PAPPA2: variants seen among roughly 807,000 people sequenced by gnomAD.
The protein encoded by PAPPA2 is pappalysin-2.
In PAPPA2, 86 loss-of-function variants were observed where a neutral mutation model predicts 176.4. The ratio of observed to expected loss-of-function variants is 0.49; its 90% confidence interval spans 0.41 to 0.58. PAPPA2 has a LOEUF of 0.58. Ranked by LOEUF, PAPPA2 falls within the 20% of genes least tolerant of loss-of-function variation. The pLI, the probability that PAPPA2 is intolerant of heterozygous loss-of-function variation, is 0.00. For missense variants in PAPPA2, 2,073 were observed against 2,256.9 expected, an observed-to-expected ratio of 0.92 and a Z score of 1.65; for synonymous variants, 809 against 852.2, an observed-to-expected ratio of 0.95 and a Z score of 0.88.
At chr1:176,643,239 A>G (rs979839765) in intron 3 of PAPPA2, among the ~76,000 whole-genome samples, 2 of 151,872 alleles carry the variant, frequency 1.3e-5, no homozygotes, top group African/African-American at 4.8e-5. Flanking sequence ...CATAGCTAGT[A>G]AAAAATGGCA....
intron 17 of PAPPA2, among the ~76,000 whole-genome samples, chr1:176,788,865 C>T (rs184872993): frequency 6.6e-6 from 1 of 152,258 alleles, no homozygotes; most frequent in East Asian, 1.9e-4. Flanking sequence ...AAGTTAGGTT[C>T]AGAATCTCTG....
chr1:176,711,995 A>C lies in PAPPA2; in HGVS notation c.3798+14A>C. 1 of 1,604,610 alleles carries C rather than the reference A, an allele frequency of 6.2e-7. No homozygotes were observed. The highest frequency in any genetic ancestry group is 2.2e-5 in the East Asian group (1 of 44,574). ...GTTTGGCTCAAAGTAAGTGGCCCAA[A>C]TGTTTCTTTTGTGCATGTGAAAGGT... On this transcript the variant is annotated intron_variant, in intron 12 of 22. Coordinates refer to ENST00000367662, the MANE Select transcript of PAPPA2 (RefSeq NM_020318.3).
chr1:176,470,744 C>G (rs1273296463), intron 1 of PAPPA2, among the ~76,000 whole-genome samples: 1 of 152,226 alleles, frequency 6.6e-6, no homozygotes, highest in Non-Finnish European at 1.5e-5. Context: ...ATTTTAAAAA[C>G]AACACAACAA....
chr1:176,650,404 T>A (rs945157246), intron 3 of PAPPA2, among the ~76,000 whole-genome samples: 8 of 151,206 alleles, frequency 5.3e-5, no homozygotes, highest in Non-Finnish European at 8.9e-5. Context: ...TTTTTATTTA[T>A]TTATTTATTT....
At chr1:176,605,576 T>C (rs1654562866) in intron 3 of PAPPA2, among the ~76,000 whole-genome samples, 1 of 152,238 alleles carries the variant, frequency 6.6e-6, no homozygotes, top group Non-Finnish European at 1.5e-5. Flanking sequence ...GCTCCTAATT[T>C]ATCTCATTGA....
chr1:176,711,001 A>G (rs12138021), intron 11 of PAPPA2, among the ~76,000 whole-genome samples: 11,450 of 152,154 alleles, frequency 0.075, 474 homozygotes, highest in South Asian at 0.14. Flanking sequence ...GGGGCAGGCC[A>G]AAGGAAAATA....
chr1:176,637,370 T>C (rs550653324), intron 3 of PAPPA2, among the ~76,000 whole-genome samples: 2 of 152,294 alleles, frequency 1.3e-5, no homozygotes, highest in African/African-American at 4.8e-5. Flanking sequence ...CAGGATGGGT[T>C]GGAGGAAGGA....
chr1:176,675,537 A>G (rs913132728), intron 4 of PAPPA2, among the ~76,000 whole-genome samples: 2 of 152,114 alleles, frequency 1.3e-5, no homozygotes, highest in African/African-American at 4.8e-5. Flanking sequence ...GTTTATGAAC[A>G]GAAGAAAGAA....
chr1:176,626,100 A>ATTTGTG (rs1655994603), intron 3 of PAPPA2, among the ~76,000 whole-genome samples: 1 of 152,230 alleles, frequency 6.6e-6, no homozygotes, highest in Non-Finnish European at 1.5e-5. Context: ...ACATAATTTA[A>ATTTGTG]GTAATTACAA....
At chr1:176,828,649 C>CT (rs1666951531) in intron 21 of PAPPA2, among the ~76,000 whole-genome samples, 1 of 152,000 alleles carries the variant, frequency 6.6e-6, no homozygotes, top group Admixed American at 6.6e-5. Flanking sequence ...CATATACATA[C>CT]ATATGCACAT....
chr1:176,513,560 A>G (rs952081615), intron 1 of PAPPA2, among the ~76,000 whole-genome samples: 2 of 152,160 alleles, frequency 1.3e-5, no homozygotes, highest in African/African-American at 4.8e-5. Flanking sequence ...TAGAAGTTGG[A>G]AGATCTGAGT....
At chr1:176,651,998 T>C (rs115900881) in intron 3 of PAPPA2, among the ~76,000 whole-genome samples, 171 of 151,790 alleles carry the variant, frequency 1.1e-3, no homozygotes, top group Middle Eastern at 6.8e-3. Context: ...TAAAAAACTA[T>C]TATGTCAATC....
intron 1 of PAPPA2, among the ~76,000 whole-genome samples, chr1:176,465,862 A>G (rs1001782240): frequency 6.6e-6 from 1 of 151,962 alleles, no homozygotes; most frequent in Non-Finnish European, 1.5e-5. Flanking sequence ...TGTTCTCATC[A>G]TTTAGCTTCC....
intron 3 of PAPPA2, among the ~76,000 whole-genome samples, chr1:176,670,531 A>G (rs1367877123): frequency 1.3e-5 from 2 of 152,104 alleles, no homozygotes; most frequent in African/African-American, 4.8e-5. Context: ...TGAAGTAGGC[A>G]TATACTGGAA....
chr1:176,628,478 G>C (rs1656157267), intron 3 of PAPPA2, among the ~76,000 whole-genome samples: 1 of 152,004 alleles, frequency 6.6e-6, no homozygotes, highest in South Asian at 2.1e-4. Context: ...CACTCTAAAG[G>C]ACTTTATAAT....
intron 2 of PAPPA2, among the ~76,000 whole-genome samples, chr1:176,592,279 A>T (rs184417693): frequency 6.6e-6 from 1 of 152,190 alleles, no homozygotes; most frequent in Non-Finnish European, 1.5e-5. Context: ...CATCTTAATA[A>T]ATTAGAGAGC....
intron 1 of PAPPA2, among the ~76,000 whole-genome samples, chr1:176,480,806 G>A (rs887603366): frequency 6.6e-6 from 1 of 151,648 alleles, no homozygotes; most frequent in Non-Finnish European, 1.5e-5. Context: ...TTGCCAGCAA[G>A]GAAAATCCTA....
chr1:176,612,815 G>C (rs1470400434), intron 3 of PAPPA2, among the ~76,000 whole-genome samples: 1 of 152,108 alleles, frequency 6.6e-6, no homozygotes, highest in Non-Finnish European at 1.5e-5. Flanking sequence ...TTTCTAGAAG[G>C]GTTAAAATAA....
intron 2 of PAPPA2, among the ~76,000 whole-genome samples, chr1:176,584,825 C>A (rs1653212727): frequency 6.6e-6 from 1 of 152,120 alleles, no homozygotes; most frequent in Non-Finnish European, 1.5e-5. Context: ...ACCTCCGCCT[C>A]CCAGGTTGAA....
Sources: gnomAD v4.1 joint callset for allele counts (sites outside exome capture counted in the v4.1 genomes callset) on GRCh38, gnomAD v4.1.1 for gene constraint, MANE v1.5 for transcripts, NCBI Gene and HGNC (gene_info 2026-07-23, HGNC 2026-07-21) for gene names.